USP50: variants seen among roughly 807,000 people sequenced by gnomAD.
USP50 encodes ubiquitin specific peptidase 50.
A neutral mutation model predicts 39.2 loss-of-function variants in USP50; 37 were observed. The ratio of observed to expected loss-of-function variants is 0.94; its 90% CI spans 0.73 to 1.24. USP50 has a LOEUF of 1.24. Among genes scored for constraint, USP50 ranks in the 50% most tolerant of loss-of-function variants. The probability of loss-of-function intolerance (pLI) is 0.00; values close to 1 mark genes in which losing one functional copy is unlikely to be tolerated. For synonymous variants in USP50, 139 were observed against 144.5 expected, an observed-to-expected ratio of 0.96 and a Z score of 0.27; for missense variants, 374 against 398.2, an observed-to-expected ratio of 0.94 and a Z score of 0.52.
intron 5 of USP50, among the ~76,000 whole-genome samples, chr15:50,537,172 G>T (rs1486583725): frequency 6.6e-6 from 1 of 151,730 alleles, no homozygotes; most frequent in Non-Finnish European, 1.5e-5. Flanking sequence ...AGGAACAAAG[G>T]TAATACAATG....
chr15:50,496,628 G>GTATGTTTTTAAAAAGTTTT (rs2052422836), downstream of USP50, among the ~76,000 whole-genome samples: 1 of 151,878 alleles, frequency 6.6e-6, no homozygotes, highest in South Asian at 2.1e-4. Flanking sequence ...AGGATTGTTA[G>GTATGTTTTTAAAAAGTTTT]TATGTTTTTA....
chr15:50,513,600 T>C (rs1266891025), intron 6 of USP50: 1 of 146,678 alleles, frequency 6.8e-6, no homozygotes, highest in Non-Finnish European at 1.5e-5. Context: ...TAAAAAGAAC[T>C]ACAATTCCAT....
chr15:50,523,852 A>T (rs970987505), intron 6 of USP50, among the ~76,000 whole-genome samples: 3 of 152,242 alleles, frequency 2.0e-5, no homozygotes, highest in Admixed American at 6.5e-5. Flanking sequence ...ACAAAGCTGG[A>T]TGCATCGCAC....
At chr15:50,533,914 C>T (rs1319630716) in intron 5 of USP50, among the ~76,000 whole-genome samples, 1 of 152,032 alleles carries the variant, frequency 6.6e-6, no homozygotes, top group Non-Finnish European at 1.5e-5. Flanking sequence ...GCAGGAGAAT[C>T]GCTTGAACCT....
downstream of USP50, chr15:50,496,036 C>T (rs781719153): frequency 6.2e-7 from 1 of 1,613,886 alleles, no homozygotes; most frequent in South Asian, 1.1e-5. Context: ...TTGAGGCCTT[C>T]ATGTATTTGT....
intron 4 of USP50, among the ~76,000 whole-genome samples, chr15:50,539,156 C>A (rs1207327092): frequency 6.9e-6 from 1 of 145,882 alleles, no homozygotes; most frequent in African/African-American, 2.6e-5. Context: ...GTCACACAGG[C>A]TGGAGTGCAG....
intron 6 of USP50, among the ~76,000 whole-genome samples, chr15:50,528,678 G>A (rs564590704): frequency 6.6e-6 from 1 of 152,300 alleles, no homozygotes; most frequent in Non-Finnish European, 1.5e-5. Flanking sequence ...GGATAAATTG[G>A]AAAGGAGAAT....
chr15:50,544,347 ACGAGAC>A (rs1186764097), intron 2 of USP50, among the ~76,000 whole-genome samples: 1 of 151,814 alleles, frequency 6.6e-6, no homozygotes. Context: ...GGGCAACAGA[ACGAGAC>A]CCTGGCTCAA....
At chr15:50,498,653 A>G, downstream of USP50, 3 of 1,613,228 alleles carry the variant, frequency 1.9e-6, no homozygotes, top group Non-Finnish European at 2.5e-6. Context: ...ACTTCCCGTT[A>G]GAAAATCTTG....
downstream of USP50, chr15:50,499,109 A>T: frequency 6.4e-7 from 1 of 1,560,110 alleles, no homozygotes; most frequent in South Asian, 1.2e-5. Context: ...GTTATAAACT[A>T]GTTATCTTTT....
intron 5 of USP50, among the ~76,000 whole-genome samples, chr15:50,536,351 A>G (rs2052980083): frequency 6.6e-6 from 1 of 152,186 alleles, no homozygotes. Context: ...ATTCAAAATT[A>G]AAAATATGGC....
At chr15:50,497,338 GGC>G, downstream of USP50, 3 of 1,365,020 alleles carry the variant, frequency 2.2e-6, no homozygotes, top group Non-Finnish European at 2.9e-6. Flanking sequence ...CATAACAAAG[GGC>G]GATTATCTGG....
downstream of USP50, among the ~76,000 whole-genome samples, chr15:50,498,093 A>G (rs571868354): frequency 6.6e-5 from 10 of 152,336 alleles, no homozygotes; most frequent in South Asian, 1.7e-3. Context: ...AAATTATGAA[A>G]TAACCATATT....
In USP50 at chr15:50,541,252, G is replaced by A. The variant is rs775703411; in HGVS notation, c.457C>T (p.Arg153Trp). 8.7e-6 allele frequency: 14 copies of A among 1,613,208 alleles called. No homozygotes were observed. In the East Asian group the frequency reaches 8.9e-5, roughly 10 times the overall value. Reference sequence around the variant, plus strand: ...GATCCTTTCTCATATGATCTTCTCCGGGAGTAGTGGTACTGAATCAAGGAG... The same window carrying A: ...GATCCTTTCTCATATGATCTTCTCCAGGAGTAGTGGTACTGAATCAAGGAG... ...HEALKKYHYS[R>W]RRSYEKGSTQ... The change falls in exon 4 of 7, where the codon CGG becomes TGG. Residue 153 changes from arginine to tryptophan, a missense_variant. Physicochemically the swap from Arg to Trp is moderately radical, Grantham distance 101. Coordinates refer to ENST00000532404, the MANE Select transcript of USP50 (RefSeq NM_203494.5).
intron 6 of USP50, chr15:50,510,829 TGCAGTGGCGCTATCTCG>T: frequency 3.3e-5 from 5 of 152,148 alleles, no homozygotes; most frequent in African/African-American, 9.6e-5. Flanking sequence ...CAGGCTGGAG[TGCAGTGGCGCTATCTCG>T]GCTCACTGCA....
intron 6 of USP50, among the ~76,000 whole-genome samples, chr15:50,522,298 G>T (rs1363880253): frequency 6.6e-6 from 1 of 152,104 alleles, no homozygotes; most frequent in African/African-American, 2.4e-5. Flanking sequence ...GGTGGCATGT[G>T]CCTGTAGTCC....
intron 6 of USP50, chr15:50,509,307 A>G (rs1297544000): frequency 6.6e-6 from 1 of 151,698 alleles, no homozygotes; most frequent in Admixed American, 6.6e-5. Flanking sequence ...ACAGAGTGAG[A>G]CCCTCTCTCA....
intron 6 of USP50, among the ~76,000 whole-genome samples, chr15:50,526,612 C>T (rs961057185): frequency 2.0e-5 from 3 of 152,228 alleles, no homozygotes; most frequent in Non-Finnish European, 2.9e-5. Flanking sequence ...AAGCCACATA[C>T]ATATTGCTAT....
chr15:50,522,796 C>T (rs1224906020), intron 6 of USP50, among the ~76,000 whole-genome samples: 1 of 152,132 alleles, frequency 6.6e-6, no homozygotes, highest in East Asian at 1.9e-4. Flanking sequence ...CAGGTGTGTG[C>T]CACCACGCCA....
Sources: allele counts gnomAD v4.1 joint callset (sites outside exome capture counted in the v4.1 genomes callset), GRCh38; gene constraint gnomAD v4.1.1; transcripts MANE v1.5; gene names NCBI Gene and HGNC (gene_info 2026-07-23, HGNC 2026-07-21).